ABCC1: variants seen among roughly 807,000 people sequenced by gnomAD.
ABCC1 encodes the protein ATP binding cassette subfamily C member 1 (ABCC1 blood group), also known as multidrug resistance-associated protein 1.
ABCC1 carries 83 observed loss-of-function variants against 172.9 expected under a neutral mutation model. That is an observed-to-expected ratio of 0.48 (90% CI 0.40 to 0.58). ABCC1 has a LOEUF of 0.58. Ranked by LOEUF, ABCC1 falls within the 20% of genes least tolerant of loss-of-function variation. The pLI is 0.00. For synonymous variants in ABCC1, 937 were observed against 825.2 expected (o/e 1.14, Z -2.32); for missense variants, 1,817 against 2,002.7 (o/e 0.91, Z 1.77).
chr16:16,003,158 A>ATG (rs2047380199), intron 1 of ABCC1, among the ~76,000 whole-genome samples: 1 of 151,224 alleles, frequency 6.6e-6, no homozygotes, highest in Non-Finnish European at 1.5e-5. Context: ...TTGGGTGGGT[A>ATG]GATGGATTGA....
intron 19 of ABCC1, among the ~76,000 whole-genome samples, chr16:16,101,432 G>T (rs1474138023): frequency 2.6e-5 from 4 of 152,158 alleles, no homozygotes. Context: ...ATGATCTGCA[G>T]CCCCCTCTTC....
chr16:16,035,279 C>G (rs905245462), intron 6 of ABCC1, among the ~76,000 whole-genome samples: 3 of 151,940 alleles, frequency 2.0e-5, no homozygotes, highest in African/African-American at 7.3e-5. Flanking sequence ...CGCCTGTAAT[C>G]CCAGCTACTT....
chr16:16,138,270 G>A, intron 29 of ABCC1, 94 bp from the exon 30 acceptor site: 1 of 1,208,554 alleles, frequency 8.3e-7, no homozygotes, highest in Non-Finnish European at 1.2e-6. Flanking sequence ...GCAACATAGA[G>A]TGTCTCCTTT....
chr16:15,983,748 G>C (rs1036735463), intron 1 of ABCC1, among the ~76,000 whole-genome samples: 1 of 150,462 alleles, frequency 6.6e-6, no homozygotes, highest in Admixed American at 6.7e-5. Flanking sequence ...TGGAGACGGG[G>C]TTTCATCATG....
At chr16:16,138,005 C>T (rs1341675578) in intron 29 of ABCC1, among the ~76,000 whole-genome samples, 1 of 151,992 alleles carries the variant, frequency 6.6e-6, no homozygotes, top group Non-Finnish European at 1.5e-5. Flanking sequence ...AGCATGCCAC[C>T]ACACCCAGCT....
At chr16:15,949,602 C>T (rs1291018725), upstream of ABCC1, 2 of 385,512 alleles carry the variant, frequency 5.2e-6, no homozygotes, top group African/African-American at 2.3e-5. Flanking sequence ...GCCCCGGCCC[C>T]GGCTCCCTGC....
intron 20 of ABCC1, chr16:16,106,489 C>T (rs949245726): frequency 1.3e-5 from 5 of 379,142 alleles, no homozygotes; most frequent in African/African-American, 1.0e-4. Flanking sequence ...CAGAGATCAT[C>T]ACAGATTGCG....
At chr16:16,031,407 C>T (rs1161965292) in intron 5 of ABCC1, among the ~76,000 whole-genome samples, 4 of 152,168 alleles carry the variant, frequency 2.6e-5, no homozygotes, top group Non-Finnish European at 4.4e-5. Flanking sequence ...AGCTCTGTAT[C>T]GGTCCCTTTC....
At chr16:16,033,283 C>A in intron 6 of ABCC1, 113 bp downstream of exon 6, 1 of 1,070,586 alleles carries the variant, frequency 9.3e-7, no homozygotes, top group Non-Finnish European at 1.4e-6. Flanking sequence ...CTTTGCTCTT[C>A]TGCAGAGTTG....
intron 13 of ABCC1, among the ~76,000 whole-genome samples, chr16:16,069,376 T>C (rs2050245733): frequency 6.6e-6 from 1 of 151,438 alleles, no homozygotes; most frequent in African/African-American, 2.4e-5. Flanking sequence ...CCCTGTTTTT[T>C]TTTGTTTTTT....
intron 5 of ABCC1, among the ~76,000 whole-genome samples, chr16:16,031,540 G>A (rs1326914542): frequency 6.6e-6 from 1 of 152,136 alleles, no homozygotes; most frequent in Non-Finnish European, 1.5e-5. Flanking sequence ...AAAATATGTG[G>A]CCTGCAGTGT....
rs1272269895 is a variant in ABCC1 at position 15,982,826 on chromosome 16, G to GAAAAAAAAAAAAAAAA, written c.49-24987_49-24986insAAAAAAAAAAAAAAAA. ...GTCAAAAAAAAAAAAAAAAAAAAAGGAAATCCATTCTTAGCCTGTGTGCTG... is the reference window on the plus strand; with the variant it reads ...GTCAAAAAAAAAAAAAAAAAAAAAGGAAAAAAAAAAAAAAAAAAATCCATTCTTAGCCTGTGTGCTG... On this transcript the variant is annotated intron_variant, in intron 1 of 30. Coordinates refer to ENST00000399410, the MANE Select transcript of ABCC1 (RefSeq NM_004996.4). Among the ~76,000 whole-genome samples the GAAAAAAAAAAAAAAAA allele has an allele frequency of 1.8e-3, 79 of 43,582 alleles. 1 individual carries two copies. The highest frequency in any genetic ancestry group is 3.0e-3 in the South Asian group (4 of 1,316). The allele number at this position is 43,582 out of a possible 152,430, so 28.6% of individuals were successfully genotyped here.
intron 23 of ABCC1, among the ~76,000 whole-genome samples, chr16:16,119,840 G>A (rs1032836618): frequency 3.3e-5 from 5 of 152,060 alleles, no homozygotes; most frequent in African/African-American, 1.2e-4. Context: ...AAAGCAAGCT[G>A]GTAAGAGAGG....
chr16:16,090,635 T>C (rs1436855443), intron 19 of ABCC1, 47 bp downstream of exon 19: 1 of 1,506,298 alleles, frequency 6.6e-7, no homozygotes, highest in African/African-American at 1.4e-5. Context: ...TCTGGCACCT[T>C]GAAGGGCCAC....
chr16:15,949,907 C>T lies in ABCC1; in HGVS notation c.48+108C>T, dbSNP rs2045826155. The T allele has an allele frequency of 5.1e-6, 5 of 989,532 alleles. No homozygotes were observed. The South Asian group carries it at 2.0e-4, about 39-fold the overall frequency. 61.3% of individuals were successfully genotyped at this position (989,532 alleles called of 1,614,324 possible). A position where few individuals can be genotyped will look rare whatever the true frequency, so the allele number is the denominator to read the frequency against. On this transcript the variant is annotated intron_variant, in intron 1 of 30. Transcript: ENST00000399410. Reference sequence around the variant, plus strand: ...GGCACCCCGCTCCCCGCTCTGCTGCCGGCCTCGGGGGCCCGGGACCCTCAC... The same window carrying T: ...GGCACCCCGCTCCCCGCTCTGCTGCTGGCCTCGGGGGCCCGGGACCCTCAC...
intron 1 of ABCC1, among the ~76,000 whole-genome samples, chr16:15,964,747 G>A (rs1438658524): frequency 6.6e-6 from 1 of 151,446 alleles, no homozygotes; most frequent in Non-Finnish European, 1.5e-5. Flanking sequence ...TGAACCCCTG[G>A]ACTGAATCGA....
intron 1 of ABCC1, among the ~76,000 whole-genome samples, chr16:15,988,132 G>A (rs1597076233): frequency 6.6e-6 from 1 of 152,160 alleles, no homozygotes; most frequent in African/African-American, 2.4e-5. Flanking sequence ...TGGCCAGGCT[G>A]GTCTTGAACT....
intron 1 of ABCC1, among the ~76,000 whole-genome samples, chr16:15,979,352 TAGATG>T (rs2046567774): frequency 6.6e-6 from 1 of 152,098 alleles, no homozygotes; most frequent in South Asian, 2.1e-4. Flanking sequence ...TGAAGTAGTC[TAGATG>T]AGATACGCTC....
At chr16:16,003,245 G>A (rs1385737023) in intron 1 of ABCC1, among the ~76,000 whole-genome samples, 1 of 132,524 alleles carries the variant, frequency 7.5e-6, no homozygotes, top group Non-Finnish European at 1.6e-5. Context: ...GAATGAACTG[G>A]TGGGTTGCTG....
Sources: gnomAD v4.1 joint callset for allele counts (sites outside exome capture counted in the v4.1 genomes callset) on GRCh38, gnomAD v4.1.1 for gene constraint, MANE v1.5 for transcripts, NCBI Gene and HGNC (gene_info 2026-07-23, HGNC 2026-07-21) for gene names.